AGBL4: variants seen among roughly 807,000 people sequenced by gnomAD.
AGBL4 encodes the protein cytosolic carboxypeptidase 6.
AGBL4 carries 58 observed loss-of-function variants against 66.4 expected under a neutral mutation model. That is an observed-to-expected ratio of 0.87 (90% CI 0.71 to 1.09). AGBL4 has a LOEUF of 1.09. AGBL4 is among the 50% of genes least tolerant of loss of function. The probability of loss-of-function intolerance (pLI) is 0.00; values close to 1 mark genes in which losing one functional copy is unlikely to be tolerated. For missense variants in AGBL4, 579 were observed against 631.0 expected (o/e 0.92, Z 0.88); for synonymous variants, 234 against 222.9 (o/e 1.05, Z -0.44).
intron 1 of AGBL4, among the ~76,000 whole-genome samples, chr1:49,907,737 G>A (rs531226079): frequency 6.6e-6 from 1 of 152,114 alleles, no homozygotes; most frequent in Non-Finnish European, 1.5e-5. Flanking sequence ...TAATTATAAT[G>A]ATGAACACAT....
intron 1 of AGBL4, among the ~76,000 whole-genome samples, chr1:49,909,425 A>T (rs2148207636): frequency 6.6e-6 from 1 of 152,284 alleles, no homozygotes; most frequent in Non-Finnish European, 1.5e-5. Context: ...GAAGAAAGTA[A>T]GGGGACGTAA....
At position 49,703,437 on chromosome 1, in the gene AGBL4, C is replaced by T. The variant is rs1027382354; in HGVS notation, c.158-6000G>A. Among the ~76,000 whole-genome samples, 4 of 151,430 alleles carry T rather than the reference C, an allele frequency of 2.6e-5. No homozygotes were observed. In the East Asian group the frequency reaches 5.8e-4, roughly 22 times the overall value. On this transcript the variant is annotated intron_variant, in intron 2 of 13. Transcript: ENST00000371839. The stretch of plus-strand genomic sequence containing the variant: ...TTAAAAAGCAAGCAACATAATTCAC[C>T]ATATGGACAAAATAAAGGAGAATAA...
chr1:48,793,880 G>A (rs1645609341), intron 6 of AGBL4, among the ~76,000 whole-genome samples: 2 of 152,158 alleles, frequency 1.3e-5, no homozygotes, highest in African/African-American at 4.8e-5. Flanking sequence ...TTCCTCAAGA[G>A]TGGGCCAGGC....
At chr1:49,264,899 G>T (rs936954777) in intron 3 of AGBL4, among the ~76,000 whole-genome samples, 1 of 152,050 alleles carries the variant, frequency 6.6e-6, no homozygotes, top group East Asian at 1.9e-4. Flanking sequence ...TTATATTATG[G>T]CAAATCTCTA....
intron 5 of AGBL4, among the ~76,000 whole-genome samples, chr1:48,988,963 C>T (rs1460294583): frequency 6.6e-6 from 1 of 152,074 alleles, no homozygotes; most frequent in African/African-American, 2.4e-5. Context: ...AAAGGTGGGG[C>T]TACTTATTTA....
chr1:48,712,984 C>G (rs1395105319), intron 6 of AGBL4, among the ~76,000 whole-genome samples: 4 of 152,138 alleles, frequency 2.6e-5, no homozygotes, highest in Non-Finnish European at 5.9e-5. Flanking sequence ...TTGTCACTCC[C>G]AGGGGTGCAG....
chr1:48,740,382 T>C (rs12408014), intron 6 of AGBL4, among the ~76,000 whole-genome samples: 3,666 of 152,316 alleles, frequency 0.024, 127 homozygotes, highest in Admixed American at 0.1. Context: ...GAGTCCCTTC[T>C]CTGGATATGT....
At chr1:49,030,367 A>T (rs755615662) in intron 5 of AGBL4, among the ~76,000 whole-genome samples, 1 of 152,156 alleles carries the variant, frequency 6.6e-6, no homozygotes, top group Non-Finnish European at 1.5e-5. Context: ...CAGACACTGG[A>T]TCTGCCAGCA....
chr1:49,900,775 C>T (rs1200414209), intron 1 of AGBL4, among the ~76,000 whole-genome samples: 1 of 152,204 alleles, frequency 6.6e-6, no homozygotes. Flanking sequence ...CTAAGAATAA[C>T]ATTCTATCGC....
At chr1:50,016,184 T>C (rs1230319608) in intron 1 of AGBL4, among the ~76,000 whole-genome samples, 3 of 152,118 alleles carry the variant, frequency 2.0e-5, no homozygotes, top group African/African-American at 7.2e-5. Flanking sequence ...AACAGAGTAA[T>C]CAGACAACCT....
rs900787593 is a variant in AGBL4 at position 48,824,791 on chromosome 1, G to A, written c.634+42400C>T. On this transcript the variant is annotated intron_variant, in intron 6 of 13. Coordinates refer to ENST00000371839, the MANE Select transcript of AGBL4 (RefSeq NM_032785.4). ...GGTAGGCCAGGTTACTGCCTTCAAA[G>A]CTGAGGGGCTACGGGGGCAAGCGAG... Among the ~76,000 whole-genome samples the A allele has an allele frequency of 2.0e-5, 3 of 152,196 alleles. No homozygotes were observed. In the South Asian group the frequency reaches 6.2e-4, roughly 32 times the overall value.
At chr1:49,965,930 A>G (rs1657518044) in intron 1 of AGBL4, among the ~76,000 whole-genome samples, 1 of 150,932 alleles carries the variant, frequency 6.6e-6, no homozygotes, top group Non-Finnish European at 1.5e-5. Flanking sequence ...CCATTAGTCT[A>G]TTACAATGAT....
intron 3 of AGBL4, among the ~76,000 whole-genome samples, chr1:49,577,420 C>A (rs1379949045): frequency 2.6e-5 from 4 of 152,332 alleles, no homozygotes; most frequent in African/African-American, 9.6e-5. Context: ...AATTTGCCAG[C>A]AGCAGAGACC....
intron 5 of AGBL4, among the ~76,000 whole-genome samples, chr1:48,937,248 A>G (rs1199230921): frequency 6.6e-6 from 1 of 152,212 alleles, no homozygotes; most frequent in Non-Finnish European, 1.5e-5. Context: ...TCAAGATGCC[A>G]TGACTGGAGA....
At chr1:49,297,924 A>G (rs562643649) in intron 3 of AGBL4, among the ~76,000 whole-genome samples, 10 of 152,206 alleles carry the variant, frequency 6.6e-5, no homozygotes, top group African/African-American at 2.2e-4. Flanking sequence ...TTCACCTCCA[A>G]TGCAAACACA....
At chr1:49,184,497 T>C (rs1349528930) in intron 4 of AGBL4, among the ~76,000 whole-genome samples, 1 of 152,166 alleles carries the variant, frequency 6.6e-6, no homozygotes, top group Non-Finnish European at 1.5e-5. Flanking sequence ...CGTCAACAGA[T>C]GCAATCTGTG....
chr1:49,327,347 C>G (rs949301404), intron 3 of AGBL4, among the ~76,000 whole-genome samples: 3 of 152,202 alleles, frequency 2.0e-5, no homozygotes, highest in African/African-American at 7.2e-5. Flanking sequence ...ACTAAACAAA[C>G]TAGGCTGCTG....
intron 2 of AGBL4, among the ~76,000 whole-genome samples, chr1:49,753,645 T>A (rs1450953866): frequency 6.6e-6 from 1 of 152,232 alleles, no homozygotes; most frequent in Non-Finnish European, 1.5e-5. Flanking sequence ...TTCTCCTGGA[T>A]AATATCCTGA....
In AGBL4 at chr1:48,937,641, A is replaced by T. The variant is rs192437875; in HGVS notation, c.595-70411T>A. 3.3e-5 allele frequency among the ~76,000 whole-genome samples: 5 copies of T among 152,312 alleles called. No homozygotes were observed. In the East Asian group the frequency reaches 9.6e-4, roughly 29 times the overall value. ...TCTTTTTTTCTTTTGTAATCAATAA[A>T]TCACTTTTGATGACTTTAATGGAAA... On this transcript the variant is annotated intron_variant, in intron 5 of 13. Transcript: ENST00000371839.
Sources: allele counts gnomAD v4.1 joint callset (sites outside exome capture counted in the v4.1 genomes callset), GRCh38; gene constraint gnomAD v4.1.1; transcripts MANE v1.5; gene names NCBI Gene and HGNC (gene_info 2026-07-23, HGNC 2026-07-21).